The following HEATR5A variants were observed in gnomAD, a reference collection of about 807,000 sequenced individuals.
HEATR5A encodes HEAT repeat-containing protein 5A.
A neutral mutation model predicts 218.8 loss-of-function variants in HEATR5A; 178 were observed. The observed-to-expected ratio is 0.81, with a 90% confidence interval of 0.72 to 0.92. HEATR5A has a LOEUF of 0.92. Ranked by LOEUF, HEATR5A falls within the 40% of genes least tolerant of loss-of-function variation. The pLI is 0.00. For missense variants in HEATR5A, 2,420 were observed against 2,418.9 expected (o/e 1.00, Z -0.01); for synonymous variants, 864 against 871.6 (o/e 0.99, Z 0.15).
chr14:31,408,867 G>A (rs1413730292), intron 1 of HEATR5A, among the ~76,000 whole-genome samples: 7 of 141,934 alleles, frequency 4.9e-5, no homozygotes, highest in Non-Finnish European at 9.2e-5. Context: ...CGAGGCGGGC[G>A]GATCACGAGG....
chr14:31,372,262 TCA>T (rs894841991), intron 12 of HEATR5A, among the ~76,000 whole-genome samples: 1 of 150,640 alleles, frequency 6.6e-6, no homozygotes, highest in Non-Finnish European at 1.5e-5. Flanking sequence ...TTCCGTGGAA[TCA>T]CACTGACTTT....
At chr14:31,341,200 A>G (rs1182633513) in intron 21 of HEATR5A, among the ~76,000 whole-genome samples, 5 of 152,220 alleles carry the variant, frequency 3.3e-5, no homozygotes. Context: ...TTATGAGTTA[A>G]CATACGATTT....
Position 31,339,577 on chromosome 14 carries a change from T to TTTG in HEATR5A, c.3229-1966_3229-1964dup, listed in dbSNP as rs200357148. ...TGCATATATCATCACTGAGTAGTTT[T>TTTG]TTGTTGTTGTTGTTGTTGTTTTTTG... On this transcript the variant is annotated intron_variant, in intron 21 of 35. Transcript: ENST00000543095. Among the ~76,000 whole-genome samples, 29 of 152,190 alleles carry TTTG rather than the reference T, an allele frequency of 1.9e-4. No homozygotes were observed. In the East Asian group the frequency reaches 3.3e-3, roughly 17 times the overall value.
At chr14:31,338,478 G>T (rs1023082884) in intron 21 of HEATR5A, among the ~76,000 whole-genome samples, 1 of 151,926 alleles carries the variant, frequency 6.6e-6, no homozygotes, top group African/African-American at 2.4e-5. Flanking sequence ...ATCTCAATAG[G>T]TTGTATCTAC....
intron 12 of HEATR5A, among the ~76,000 whole-genome samples, chr14:31,374,594 T>C (rs139010565): frequency 6.6e-4 from 101 of 152,250 alleles, no homozygotes; most frequent in Middle Eastern, 6.8e-3. Flanking sequence ...TTGGACCTAA[T>C]AAAACATGTA....
intron 22 of HEATR5A, among the ~76,000 whole-genome samples, chr14:31,334,037 C>CAAAAA (rs58087742): frequency 1.0e-3 from 88 of 87,640 alleles, no homozygotes; most frequent in Middle Eastern, 8.1e-3. Flanking sequence ...GACCCTGTCT[C>CAAAAA]AAAAAAAAAA....
chr14:31,294,038 G>C lies in HEATR5A; in HGVS notation c.5686C>G (p.Pro1896Ala). 6.2e-7 allele frequency: 1 copy of C among 1,604,020 alleles called. No homozygotes were observed. The highest frequency in any genetic ancestry group is 1.1e-5 in the South Asian group (1 of 88,934). ...CAGGATGCTAAAGAGTAAATGTATG[G>C]GTAGGAAACAGCTGGATTTGGATAC... ...FQYPNPAVSY[P>A]YIYSLASCIM... The change falls in exon 35 of 36, where the codon CCA (proline) becomes GCA (alanine). Residue 1896 changes from proline to alanine, a missense_variant. Transcript: ENST00000543095.
intron 18 of HEATR5A, 68 bp from the exon 19 acceptor site, chr14:31,347,975 T>C (rs1041420209): frequency 2.0e-6 from 2 of 980,822 alleles, no homozygotes; most frequent in Non-Finnish European, 2.8e-6. Flanking sequence ...AACTAATGCA[T>C]GTACACTGTC....
At position 31,295,860 on chromosome 14, in the gene HEATR5A, G is replaced by T. The variant is rs775281266; in HGVS notation, c.5619+49C>A. On this transcript the variant is annotated intron_variant, in intron 34 of 35. Coordinates refer to ENST00000543095, the MANE Select transcript of HEATR5A (RefSeq NM_015473.4). ...AAATCACACAGAAAATTTTCTAAAGGCCTAGCCATTGTCCTATTACATACA... is the reference window on the plus strand; with the variant it reads ...AAATCACACAGAAAATTTTCTAAAGTCCTAGCCATTGTCCTATTACATACA... The T allele has an allele frequency of 2.0e-6, 3 of 1,509,280 alleles. No homozygotes were observed. In the South Asian group the frequency reaches 3.6e-5, roughly 18 times the overall value. The allele number at this position is 1,509,280 out of a possible 1,614,324, so 93.5% of individuals were successfully genotyped here.
chr14:31,311,874 C>T (rs1214544635), intron 28 of HEATR5A, among the ~76,000 whole-genome samples: 1 of 152,138 alleles, frequency 6.6e-6, no homozygotes, highest in Non-Finnish European at 1.5e-5. Context: ...TTTTTATATC[C>T]TAATGTGATC....
In HEATR5A at chr14:31,323,687, C is replaced by T. The variant is rs773446440; in HGVS notation, c.3665G>A (p.Arg1222Gln). ...DEKSHPFTNP[R>Q]WATRVFAAEC... ...AGCAGCAAAGACTCTAGTAGCCCAT[C>T]GGGGATTGGTAAAAGGATGGGATTT... Residue 1222 changes from arginine (R) to glutamine (Q), a missense_variant, in exon 24 of 36, where the codon CGA becomes CAA. Transcript: ENST00000543095. The T allele has an allele frequency of 7.0e-5, 113 of 1,613,544 alleles. No individual in the cohort carries two copies. Among genetic ancestry groups the T allele is most frequent in the Admixed American group, 3.3e-4 (20 of 59,952 alleles).
At chr14:31,354,919 C>A (rs1253519217) in intron 16 of HEATR5A, among the ~76,000 whole-genome samples, 15 of 152,138 alleles carry the variant, frequency 9.9e-5, no homozygotes, top group Non-Finnish European at 2.2e-4. Flanking sequence ...TTTGTTGAAG[C>A]AGTCCATTTA....
intron 7 of HEATR5A, 36 bp downstream of exon 7, chr14:31,388,809 A>G (rs1331809788): frequency 6.4e-7 from 1 of 1,567,568 alleles, no homozygotes; most frequent in South Asian, 1.1e-5. Context: ...ATAGGCCAGT[A>G]AGAGTTAGAC....
chr14:31,411,474 C>T (rs2031269886), intron 1 of HEATR5A, among the ~76,000 whole-genome samples: 1 of 152,098 alleles, frequency 6.6e-6, no homozygotes, highest in Non-Finnish European at 1.5e-5. Flanking sequence ...TAAGAGAAAC[C>T]TTCAGATAAA....
intron 5 of HEATR5A, among the ~76,000 whole-genome samples, chr14:31,394,522 TA>T (rs372932244): frequency 6.6e-6 from 1 of 151,784 alleles, no homozygotes; most frequent in Non-Finnish European, 1.5e-5. Context: ...ATTCCAACAT[TA>T]AAAAAACTCT....
In HEATR5A at chr14:31,363,702, T is replaced by G. The variant is rs116860986; in HGVS notation, c.2071+487A>C. ...TTTTTTAAAAAAAAGTATTTTAGGC[T>G]GGGCTCAATAGCCCACACCTATAAT... On this transcript the variant is annotated intron_variant, in intron 14 of 35. Transcript: ENST00000543095. Among the ~76,000 whole-genome samples the G allele has an allele frequency of 3.1e-3, 477 of 152,292 alleles. 12 individuals carry two copies. In the East Asian group the frequency reaches 0.065, roughly 21 times the overall value.
chr14:31,343,805 CAT>C (rs1900922269), intron 21 of HEATR5A, 89 bp downstream of exon 21: 4 of 1,059,340 alleles, frequency 3.8e-6, no homozygotes, highest in East Asian at 5.2e-5. Context: ...TAACTTTGTA[CAT>C]AGTCTAGAGT....
intron 1 of HEATR5A, among the ~76,000 whole-genome samples, chr14:31,416,019 C>T (rs1246306569): frequency 6.6e-6 from 1 of 151,822 alleles, no homozygotes; most frequent in Non-Finnish European, 1.5e-5. Context: ...GGCAGGATCT[C>T]AGCTCGCTGC....
At chr14:31,315,358 G>A (rs1309503858) in intron 27 of HEATR5A, among the ~76,000 whole-genome samples, 2 of 152,100 alleles carry the variant, frequency 1.3e-5, no homozygotes, top group African/African-American at 4.8e-5. Context: ...GCATCTTACT[G>A]TAAGATTTCT....
Sources: allele counts gnomAD v4.1 joint callset (sites outside exome capture counted in the v4.1 genomes callset), GRCh38; gene constraint gnomAD v4.1.1; transcripts MANE v1.5; gene names NCBI Gene and HGNC (gene_info 2026-07-23, HGNC 2026-07-21).